The following CHEK2 variants were observed in gnomAD, a reference collection of about 807,000 sequenced individuals.
The protein encoded by CHEK2 is serine/threonine-protein kinase Chk2.
In CHEK2, 71 loss-of-function variants were observed where a neutral mutation model predicts 69.1. That is an observed-to-expected ratio of 1.03 (90% CI 0.85 to 1.25). The LOEUF is 1.25. CHEK2 is among the 50% of genes most tolerant of loss of function. CHEK2 has a pLI of 0.00. For synonymous variants in CHEK2, 189 were observed against 226.9 expected, an observed-to-expected ratio of 0.83 and a Z score of 1.50; for missense variants, 664 against 649.6, an observed-to-expected ratio of 1.02 and a Z score of -0.24.
At chr22:28,732,638 A>AT (rs1376269330) in intron 2 of CHEK2, among the ~76,000 whole-genome samples, 5 of 152,174 alleles carry the variant, frequency 3.3e-5, no homozygotes, top group African/African-American at 4.8e-5. Context: ...ATATTCCTCC[A>AT]TTTTTTATAG....
At chr22:28,714,102 T>C (rs1471377371) in intron 5 of CHEK2, among the ~76,000 whole-genome samples, 2 of 152,234 alleles carry the variant, frequency 1.3e-5, no homozygotes, top group African/African-American at 4.8e-5. Context: ...TTATGCCCCA[T>C]AGAGCTCAGA....
chr22:28,727,696 G>A (rs535610646), intron 2 of CHEK2, among the ~76,000 whole-genome samples: 1 of 152,234 alleles, frequency 6.6e-6, no homozygotes, highest in South Asian at 2.1e-4. Flanking sequence ...ATAGGTAAAG[G>A]ATATGAAAAG....
intron 14 of CHEK2, among the ~76,000 whole-genome samples, chr22:28,688,495 C>G (rs1022604791): frequency 2.6e-5 from 4 of 152,194 alleles, no homozygotes; most frequent in Admixed American, 1.3e-4. Flanking sequence ...ATGGCAAAAC[C>G]CCATCTCACC....
intron 7 of CHEK2, among the ~76,000 whole-genome samples, chr22:28,705,165 G>A (rs974076375): frequency 4.7e-5 from 7 of 148,592 alleles, no homozygotes; most frequent in Non-Finnish European, 1.5e-5. Flanking sequence ...TGCAAGCTCT[G>A]CCTCCCGGGT....
At chr22:28,700,744 T>C (rs1340378596) in intron 8 of CHEK2, among the ~76,000 whole-genome samples, 3 of 152,170 alleles carry the variant, frequency 2.0e-5, no homozygotes, top group Non-Finnish European at 2.9e-5. Flanking sequence ...AGATGGCTGA[T>C]GTAGGAAAAG....
intron 2 of CHEK2, among the ~76,000 whole-genome samples, chr22:28,727,586 G>A (rs889806654): frequency 6.6e-6 from 1 of 152,082 alleles, no homozygotes; most frequent in Admixed American, 6.6e-5. Flanking sequence ...AGGCAGACTA[G>A]GGAAAATACT....
chr22:28,736,476 C>T (rs1273984546), intron 1 of CHEK2, among the ~76,000 whole-genome samples: 4 of 152,220 alleles, frequency 2.6e-5, no homozygotes, highest in Admixed American at 6.5e-5. Flanking sequence ...CAGCTCTTAA[C>T]AACTCCACCT....
chr22:28,717,618 A>G (rs1252148162), intron 5 of CHEK2, among the ~76,000 whole-genome samples: 1 of 151,868 alleles, frequency 6.6e-6, no homozygotes, highest in Non-Finnish European at 1.5e-5. Flanking sequence ...GCTCACGCCT[A>G]TAATCCAGCA....
At chr22:28,702,463 C>A (rs1450945285) in intron 8 of CHEK2, among the ~76,000 whole-genome samples, 7 of 150,842 alleles carry the variant, frequency 4.6e-5, no homozygotes, top group Non-Finnish European at 1.0e-4. Flanking sequence ...TGGCCTCGAT[C>A]TCCTGACCTT....
chr22:28,692,705 A>G (rs568605566), intron 13 of CHEK2, among the ~76,000 whole-genome samples: 2 of 152,244 alleles, frequency 1.3e-5, no homozygotes, highest in East Asian at 1.9e-4. Flanking sequence ...TCTGTCCCCC[A>G]TCTCCACAGA....
intron 5 of CHEK2, among the ~76,000 whole-genome samples, chr22:28,714,658 A>AT (rs1382848444): frequency 6.6e-6 from 1 of 151,876 alleles, no homozygotes; most frequent in South Asian, 2.1e-4. Flanking sequence ...TAATTTATCT[A>AT]TTTTTTCTTT....
At position 28,722,556 on chromosome 22, in the gene CHEK2, A is replaced by AG. The variant is rs540751102; in HGVS notation, c.592+2420_592+2421insC. On this transcript the variant is annotated intron_variant, in intron 4 of 14. Coordinates refer to ENST00000404276, the MANE Select transcript of CHEK2 (RefSeq NM_007194.4). ...CTCCGTCTCAAAAAAAAAAAAAAAAAAAAGAAAAGAAAAGAAAAGAAAACA... is the reference window on the plus strand; with the variant it reads ...CTCCGTCTCAAAAAAAAAAAAAAAAAGAAAGAAAAGAAAAGAAAAGAAAACA... Among the ~76,000 whole-genome samples the AG allele has an allele frequency of 3.5e-3, 515 of 146,050 alleles. 2 individuals carry two copies. Among genetic ancestry groups the AG allele is most frequent in the Non-Finnish European group, 5.7e-3 (381 of 67,296 alleles).
chr22:28,692,608 C>A (rs1468436302), intron 13 of CHEK2, among the ~76,000 whole-genome samples: 22 of 152,216 alleles, frequency 1.4e-4, no homozygotes, highest in Non-Finnish European at 2.8e-4. Flanking sequence ...GGGTCGGAGG[C>A]TGGACTGCCC....
intron 14 of CHEK2, among the ~76,000 whole-genome samples, chr22:28,688,691 G>A: frequency 6.8e-6 from 1 of 146,712 alleles, no homozygotes; most frequent in East Asian, 2.0e-4. Flanking sequence ...ATTGGGGGGA[G>A]GAAACAGTGG....
intron 7 of CHEK2, among the ~76,000 whole-genome samples, chr22:28,705,425 G>A (rs541528799): frequency 2.0e-5 from 3 of 152,140 alleles, no homozygotes; most frequent in Non-Finnish European, 4.4e-5. Flanking sequence ...ATACTCATTG[G>A]AGCATTTTGG....
rs201762692 is a variant in CHEK2 at position 28,707,703 on chromosome 22, AAT to A, written c.846+2301_846+2302del. ...CTTGTGCCCTTGTAAAATGCAAATA[AAT>A]ATGTCTAGAAATCTTTTTTAGGGTT... is the stretch of plus-strand genomic sequence containing the variant. On this transcript the variant is annotated intron_variant, in intron 7 of 14. Coordinates refer to ENST00000404276, the MANE Select transcript of CHEK2 (RefSeq NM_007194.4). Among the ~76,000 whole-genome samples the A allele has an allele frequency of 7.4e-4, 112 of 152,286 alleles. No homozygotes were observed. The East Asian group carries it at 0.019, about 26-fold the overall frequency.
rs1165619516 is a variant in CHEK2 at position 28,728,858 on chromosome 22, C to T, written c.320-3491G>A. Among the ~76,000 whole-genome samples, 3 of 152,144 alleles carry T rather than the reference C, an allele frequency of 2.0e-5. No individual in the cohort carries two copies. The East Asian group carries it at 5.8e-4, about 29-fold the overall frequency. On this transcript the variant is annotated intron_variant, in intron 2 of 14. Transcript: ENST00000404276. ...AATTAGCCACACATGGTGGCACATG[C>T]CTGAGGTCCCAGCTACTCAGGAGGC... is the stretch of plus-strand genomic sequence containing the variant.
At chr22:28,740,014 G>A (rs1315023032) in intron 1 of CHEK2, among the ~76,000 whole-genome samples, 2 of 151,854 alleles carry the variant, frequency 1.3e-5, no homozygotes, top group Non-Finnish European at 2.9e-5. Context: ...CATCCTGGTC[G>A]ACATGGTGAA....
Position 28,722,177 on chromosome 22 carries a change from G to T in CHEK2, c.593-2692C>A, listed in dbSNP as rs575511051. Among the ~76,000 whole-genome samples, 450 of 152,128 alleles carry T rather than the reference G, an allele frequency of 3.0e-3. 1 individual carries two copies. Among genetic ancestry groups the T allele is most frequent in the African/African-American group, 0.01 (426 of 41,488 alleles). On this transcript the variant is annotated intron_variant, in intron 4 of 14. Coordinates refer to ENST00000404276, the MANE Select transcript of CHEK2 (RefSeq NM_007194.4). ...ACAGACCAAATTTCAGCACCCAGTT[G>T]CCTCCTCCCCTAGGTACCCACAAAC...
Sources: gnomAD v4.1 joint callset for allele counts (sites outside exome capture counted in the v4.1 genomes callset) on GRCh38, gnomAD v4.1.1 for gene constraint, MANE v1.5 for transcripts, NCBI Gene and HGNC (gene_info 2026-07-23, HGNC 2026-07-21) for gene names.